The following SPIDR variants were observed in gnomAD, a reference collection of about 807,000 sequenced individuals.
The protein encoded by SPIDR is DNA repair-scaffolding protein.
In SPIDR, 93 loss-of-function variants were observed where a neutral mutation model predicts 104.6. The ratio of observed to expected loss-of-function variants is 0.89; its 90% CI spans 0.75 to 1.06. SPIDR has a LOEUF of 1.06. Among genes scored for constraint, SPIDR ranks in the 50% least tolerant of loss-of-function variants. The pLI is 0.00. For missense variants in SPIDR, 1,154 were observed against 1,111.2 expected, an observed-to-expected ratio of 1.04 and a Z score of -0.55; for synonymous variants, 431 against 416.9, an observed-to-expected ratio of 1.03 and a Z score of -0.41.
chr8:47,667,440 GAAAAAAAAAAAAAA>G (rs528607871), intron 10 of SPIDR, among the ~76,000 whole-genome samples: 2 of 52,634 alleles, frequency 3.8e-5, no homozygotes, highest in African/African-American at 1.5e-4. Flanking sequence ...CTTCAAAAGG[GAAAAAAAAAAAAAA>G]AAAAAAAAAA....
At chr8:47,302,921 C>T (rs1032011507) in intron 5 of SPIDR, among the ~76,000 whole-genome samples, 2 of 152,188 alleles carry the variant, frequency 1.3e-5, no homozygotes, top group African/African-American at 2.4e-5. Flanking sequence ...GCAGTGTGTC[C>T]GTTCTCAGAT....
At chr8:47,651,573 T>C (rs1169201615) in intron 10 of SPIDR, among the ~76,000 whole-genome samples, 1 of 152,204 alleles carries the variant, frequency 6.6e-6, no homozygotes, top group Middle Eastern at 3.2e-3. Flanking sequence ...AGATCTGCCA[T>C]TTGATTCAAC....
intron 19 of SPIDR, 132 bp from the exon 20 acceptor site, chr8:47,735,175 C>T (rs1365972968): frequency 3.9e-6 from 3 of 767,770 alleles, no homozygotes; most frequent in Non-Finnish European, 6.7e-6. Flanking sequence ...CCACTGTTCT[C>T]AGCCATTTGA....
intron 5 of SPIDR, among the ~76,000 whole-genome samples, chr8:47,373,261 A>G (rs2058258277): frequency 6.6e-6 from 1 of 152,202 alleles, no homozygotes; most frequent in African/African-American, 2.4e-5. Context: ...CTAACTTGCC[A>G]ATTTTTATTT....
intron 10 of SPIDR, among the ~76,000 whole-genome samples, chr8:47,661,885 C>G (rs909336264): frequency 6.6e-6 from 1 of 152,206 alleles, no homozygotes; most frequent in Non-Finnish European, 1.5e-5. Flanking sequence ...TGCTTCTGCC[C>G]TGCTGGTTTG....
At chr8:47,565,861 T>C (rs2057721281) in intron 8 of SPIDR, among the ~76,000 whole-genome samples, 2 of 148,338 alleles carry the variant, frequency 1.3e-5, no homozygotes, top group Admixed American at 1.4e-4. Context: ...GGTTTAAAAA[T>C]AGAAAAAATA....
At chr8:47,273,345 T>C (rs994942383) in intron 1 of SPIDR, among the ~76,000 whole-genome samples, 4 of 152,190 alleles carry the variant, frequency 2.6e-5, no homozygotes, top group Admixed American at 2.0e-4. Context: ...AGGTATTCAG[T>C]AGAAGCAGAT....
At chr8:47,337,043 T>C (rs1554609987) in intron 5 of SPIDR, among the ~76,000 whole-genome samples, 1 of 152,226 alleles carries the variant, frequency 6.6e-6, no homozygotes, top group Admixed American at 6.5e-5. Context: ...ATGTGCTTAT[T>C]GGCCATTTGT....
intron 10 of SPIDR, among the ~76,000 whole-genome samples, chr8:47,666,342 T>G (rs1424650066): frequency 6.6e-6 from 1 of 152,216 alleles, no homozygotes; most frequent in East Asian, 1.9e-4. Context: ...TAGAACACAG[T>G]GCTTTAGACT....
At chr8:47,327,817 C>T (rs1554601376) in intron 5 of SPIDR, among the ~76,000 whole-genome samples, 2 of 152,094 alleles carry the variant, frequency 1.3e-5, no homozygotes, top group East Asian at 1.9e-4. Context: ...CTTGTCTTGG[C>T]CTCCCAAAGT....
intron 8 of SPIDR, among the ~76,000 whole-genome samples, chr8:47,534,887 T>G (rs1030137648): frequency 2.0e-5 from 3 of 151,838 alleles, no homozygotes; most frequent in Non-Finnish European, 2.9e-5. Flanking sequence ...TTAATAAAAT[T>G]GATAAATGTG....
At chr8:47,578,532 A>G (rs1433327078) in intron 8 of SPIDR, among the ~76,000 whole-genome samples, 2 of 152,164 alleles carry the variant, frequency 1.3e-5, no homozygotes, top group Non-Finnish European at 2.9e-5. Context: ...CAGAAATCAT[A>G]TGTATGGAAA....
rs187622692 is a variant in SPIDR, at chr8:47,411,579, G to A, written c.877+3618G>A. Among the ~76,000 whole-genome samples the A allele has an allele frequency of 1.4e-4, 22 of 152,264 alleles. No individual in the cohort carries two copies. In the East Asian group the frequency reaches 2.9e-3, roughly 20 times the overall value. ...TAGCTTTGTCAGATGAGTAGATTGC[G>A]AAAGTTTTCTCCCATTCTGTAGGTT... is the stretch of plus-strand genomic sequence containing the variant. On this transcript the variant is annotated intron_variant, in intron 7 of 19. Transcript: ENST00000297423.
intron 5 of SPIDR, among the ~76,000 whole-genome samples, chr8:47,385,214 A>G (rs1016470669): frequency 5.3e-5 from 8 of 152,190 alleles, no homozygotes; most frequent in Non-Finnish European, 1.0e-4. Context: ...GTATATAAGA[A>G]TATCTGTATG....
At chr8:47,710,977 T>G (rs892287639) in intron 14 of SPIDR, among the ~76,000 whole-genome samples, 2 of 151,806 alleles carry the variant, frequency 1.3e-5, no homozygotes, top group Admixed American at 6.6e-5. Flanking sequence ...GGGGTCTCAC[T>G]ATATTGGCCC....
intron 5 of SPIDR, among the ~76,000 whole-genome samples, chr8:47,329,904 C>T (rs2048363032): frequency 6.6e-6 from 1 of 152,148 alleles, no homozygotes; most frequent in South Asian, 2.1e-4. Context: ...TATGACATTT[C>T]TATATGTTAT....
chr8:47,675,446 A>G (rs865971274), intron 11 of SPIDR, among the ~76,000 whole-genome samples: 10 of 152,348 alleles, frequency 6.6e-5, no homozygotes, highest in African/African-American at 2.4e-4. Context: ...TTTGGAAAGC[A>G]TGTCTAGATA....
chr8:47,479,082 G>A (rs1214800317), intron 8 of SPIDR, among the ~76,000 whole-genome samples: 6 of 152,054 alleles, frequency 3.9e-5, no homozygotes, highest in Non-Finnish European at 5.9e-5. Flanking sequence ...GATGTGGGGC[G>A]GGGTGCAGTG....
At position 47,465,378 on chromosome 8, in the gene SPIDR, A is replaced by G. The variant is rs183011851; in HGVS notation, c.1097+24836A>G. Among the ~76,000 whole-genome samples the G allele has an allele frequency of 2.9e-3, 435 of 152,322 alleles. 5 individuals are homozygous for G. Among genetic ancestry groups the G allele is most frequent in the South Asian group, 0.021 (100 of 4,824 alleles). ...CCACACATATCAATACGAACCTTGA[A>G]TGGAAATAGGCTAAGTGCCCAAATT... On this transcript the variant is annotated intron_variant, in intron 8 of 19. Transcript: ENST00000297423.
Sources: gnomAD v4.1 joint callset for allele counts (sites outside exome capture counted in the v4.1 genomes callset) on GRCh38, gnomAD v4.1.1 for gene constraint, MANE v1.5 for transcripts, NCBI Gene and HGNC (gene_info 2026-07-23, HGNC 2026-07-21) for gene names.